The following DLG2 variants were observed in gnomAD, a reference collection of about 807,000 sequenced individuals.
DLG2 encodes discs large MAGUK scaffold protein 2.
DLG2 carries 45 observed loss-of-function variants against 132.5 expected under a neutral mutation model. The observed-to-expected ratio is 0.34, with a 90% confidence interval of 0.27 to 0.44. DLG2 has a LOEUF of 0.44. Ranked by LOEUF, DLG2 falls within the 20% of genes least tolerant of loss-of-function variation. The probability of loss-of-function intolerance (pLI) is 1.00; values close to 1 mark genes in which losing one functional copy is unlikely to be tolerated. For synonymous variants in DLG2, 424 were observed against 419.6 expected (o/e 1.01, Z -0.13); for missense variants, 1,045 against 1,196.9 (o/e 0.87, Z 1.87).
chr11:85,454,527 T>A (rs2092355813), intron 3 of DLG2, among the ~76,000 whole-genome samples: 1 of 152,162 alleles, frequency 6.6e-6, no homozygotes, highest in Non-Finnish European at 1.5e-5. Flanking sequence ...CAAAAGCTGT[T>A]TAGTTTAATT....
At position 85,583,130 on chromosome 11, in the gene DLG2, GTATATATATATATATATATATATATA is replaced by G. The variant is rs3068386; in HGVS notation, c.40+15501_40+15526del. The stretch of plus-strand genomic sequence containing the variant: ...TGTGTGTGTGTGTGTGTGTGTGTGT[GTATATATATATATATATATATATATA>G]TATATATATATATGTTTTGTTTGTT... On this transcript the variant is annotated intron_variant, in intron 3 of 27. Transcript: ENST00000376104. 1.0e-3 allele frequency among the ~76,000 whole-genome samples: 14 copies of G among 13,606 alleles called. 2 individuals carry two copies. The highest frequency in any genetic ancestry group is 2.6e-3 in the African/African-American group (13 of 4,942). 8.9% of individuals were successfully genotyped at this position (13,606 alleles called of 152,430 possible). A position where few individuals can be genotyped will look rare whatever the true frequency, so the allele number is the denominator to read the frequency against.
intron 17 of DLG2, among the ~76,000 whole-genome samples, chr11:83,824,149 G>C (rs2051746023): frequency 6.6e-6 from 1 of 152,124 alleles, no homozygotes. Context: ...TTTGTGCTGA[G>C]CATATATTCA....
At chr11:84,262,400 C>T (rs573073636) in intron 7 of DLG2, among the ~76,000 whole-genome samples, 1 of 152,194 alleles carries the variant, frequency 6.6e-6, no homozygotes, top group Admixed American at 6.5e-5. Context: ...ATGACATCTA[C>T]AGCATTTCTC....
chr11:83,567,645 G>A (rs973736026), intron 19 of DLG2, among the ~76,000 whole-genome samples: 3 of 152,194 alleles, frequency 2.0e-5, no homozygotes, highest in African/African-American at 7.2e-5. Flanking sequence ...GATTGCAACA[G>A]AGGACTTAAT....
chr11:84,481,719 T>G (rs2099138223), intron 7 of DLG2, among the ~76,000 whole-genome samples: 1 of 152,128 alleles, frequency 6.6e-6, no homozygotes, highest in African/African-American at 2.4e-5. Context: ...AAACACCCAA[T>G]AAGTCAAATA....
intron 3 of DLG2, among the ~76,000 whole-genome samples, chr11:85,507,538 CCA>C (rs1302995332): frequency 5.3e-5 from 8 of 152,158 alleles, no homozygotes; most frequent in Non-Finnish European, 1.2e-4. Context: ...GAATATTGGA[CCA>C]CACTTTCTTA....
chr11:84,634,058 G>T (rs1396125716), intron 6 of DLG2, among the ~76,000 whole-genome samples: 2 of 152,146 alleles, frequency 1.3e-5, no homozygotes, highest in East Asian at 3.8e-4. Flanking sequence ...GCTCTGTACA[G>T]CTGCTCTATT....
At chr11:85,140,436 T>G (rs2076391830) in intron 5 of DLG2, among the ~76,000 whole-genome samples, 1 of 151,956 alleles carries the variant, frequency 6.6e-6, no homozygotes, top group Non-Finnish European at 1.5e-5. Context: ...AACCTATCTT[T>G]TTAAAAAATT....
intron 3 of DLG2, among the ~76,000 whole-genome samples, chr11:85,504,426 C>A (rs1035857465): frequency 6.6e-6 from 1 of 152,206 alleles, no homozygotes; most frequent in South Asian, 2.1e-4. Flanking sequence ...CAGCTTTCTA[C>A]ATATGGCTAG....
chr11:84,505,964 T>C (rs76067938), intron 7 of DLG2, among the ~76,000 whole-genome samples: 41 of 152,154 alleles, frequency 2.7e-4, no homozygotes, highest in African/African-American at 9.4e-4. Flanking sequence ...CCTGTAACTG[T>C]GTTACCTTAT....
intron 10 of DLG2, among the ~76,000 whole-genome samples, chr11:84,083,859 G>A (rs2096937211): frequency 6.6e-6 from 1 of 152,174 alleles, no homozygotes; most frequent in African/African-American, 2.4e-5. Context: ...TATAGTAACA[G>A]AAAGAGAATA....
At chr11:84,058,564 G>A (rs2096542351) in intron 11 of DLG2, among the ~76,000 whole-genome samples, 1 of 149,698 alleles carries the variant, frequency 6.7e-6, no homozygotes, top group African/African-American at 2.4e-5. Context: ...GTGCATGCCT[G>A]TAGTCCCAGC....
At chr11:85,058,033 T>C (rs941059286) in intron 6 of DLG2, among the ~76,000 whole-genome samples, 1 of 151,290 alleles carries the variant, frequency 6.6e-6, no homozygotes, top group Admixed American at 6.6e-5. Context: ...TATCATCATG[T>C]CTATTCAATA....
At chr11:83,902,775 C>A (rs1565569373) in intron 15 of DLG2, among the ~76,000 whole-genome samples, 2 of 152,118 alleles carry the variant, frequency 1.3e-5, no homozygotes, top group Admixed American at 6.6e-5. Flanking sequence ...TGAAGAGATT[C>A]AGTTTCCTGC....
intron 7 of DLG2, among the ~76,000 whole-genome samples, chr11:84,254,241 T>A (rs761106719): frequency 6.6e-6 from 1 of 152,204 alleles, no homozygotes; most frequent in Non-Finnish European, 1.5e-5. Context: ...TTGCTTTTTT[T>A]CTTACAGATT....
At chr11:83,716,359 T>C (rs1306300806) in intron 18 of DLG2, among the ~76,000 whole-genome samples, 1 of 152,186 alleles carries the variant, frequency 6.6e-6, no homozygotes, top group African/African-American at 2.4e-5. Context: ...CCAGTTGTCT[T>C]ACTCTCAGGC....
intron 15 of DLG2, among the ~76,000 whole-genome samples, chr11:83,894,764 C>T (rs907648676): frequency 1.3e-5 from 2 of 152,196 alleles, no homozygotes; most frequent in Non-Finnish European, 2.9e-5. Context: ...TCTAACTATA[C>T]TTTTTTTACC....
intron 6 of DLG2, among the ~76,000 whole-genome samples, chr11:84,856,887 G>A (rs996452044): frequency 6.6e-6 from 1 of 151,924 alleles, no homozygotes; most frequent in African/African-American, 2.4e-5. Context: ...TGAGGAGGCT[G>A]AAAAAGTAAT....
intron 21 of DLG2, among the ~76,000 whole-genome samples, chr11:83,512,744 C>T (rs2095100888): frequency 2.0e-5 from 3 of 151,838 alleles, no homozygotes; most frequent in Admixed American, 2.0e-4. Flanking sequence ...CATGTTTTCT[C>T]ATTTTTCAAT....
Sources: gnomAD v4.1 joint callset for allele counts (sites outside exome capture counted in the v4.1 genomes callset) on GRCh38, gnomAD v4.1.1 for gene constraint, MANE v1.5 for transcripts, NCBI Gene and HGNC (gene_info 2026-07-23, HGNC 2026-07-21) for gene names.